Variants in THAP2 observed in about 807,000 individuals in gnomAD.
THAP2 encodes the protein THAP domain-containing protein 2.
THAP2 carries 16 observed loss-of-function variants against 18.8 expected under a neutral mutation model. The observed-to-expected ratio is 0.85, with a 90% confidence interval of 0.58 to 1.29. The LOEUF is 1.29. Among genes scored for constraint, THAP2 ranks in the 50% most tolerant of loss-of-function variants. The pLI, the probability that THAP2 is intolerant of heterozygous loss-of-function variation, is 0.00. For missense variants in THAP2, 251 were observed against 265.3 expected (o/e 0.95, Z 0.38); for synonymous variants, 80 against 89.2 (o/e 0.90, Z 0.58).
At chr12:71,675,317 G>A (rs1376506749) in intron 2 of THAP2, among the ~76,000 whole-genome samples, 1 of 152,026 alleles carries the variant, frequency 6.6e-6, no homozygotes, top group Non-Finnish European at 1.5e-5. Context: ...AGCTCCAGGA[G>A]GACAAGAACT....
At chr12:71,671,378 T>C (rs1881433970) in intron 1 of THAP2, among the ~76,000 whole-genome samples, 1 of 152,228 alleles carries the variant, frequency 6.6e-6, no homozygotes, top group African/African-American at 2.4e-5. Context: ...CCTCATCATC[T>C]GGCAGTGTTC....
chr12:71,668,307 A>G (rs1414877161), intron 1 of THAP2, among the ~76,000 whole-genome samples: 3 of 152,196 alleles, frequency 2.0e-5, no homozygotes, highest in Non-Finnish European at 2.9e-5. Flanking sequence ...TTATGCTTTT[A>G]TAAGACTCAT....
chr12:71,676,634 C>T (rs565091846), intron 2 of THAP2, 55 bp from the exon 3 acceptor site: 2 of 1,516,576 alleles, frequency 1.3e-6, no homozygotes, highest in Admixed American at 2.2e-5. Context: ...ACACTATGTG[C>T]TTATTTGTGA....
intron 2 of THAP2, among the ~76,000 whole-genome samples, chr12:71,676,042 T>C (rs916881173): frequency 1.3e-5 from 2 of 151,974 alleles, no homozygotes; most frequent in Admixed American, 6.6e-5. Context: ...AGGAGAGGAT[T>C]CATGGTAGGA....
intron 1 of THAP2, among the ~76,000 whole-genome samples, chr12:71,666,382 G>A (rs867120709): frequency 6.6e-5 from 10 of 152,180 alleles, no homozygotes; most frequent in East Asian, 5.8e-4. Context: ...CCCTGGTGAC[G>A]CATGCCTGTA....
Position 71,674,246 on chromosome 12 carries a change from G to C in THAP2, c.115G>C (p.Val39Leu). Residue 39 changes from valine to leucine, a missense_variant, in exon 2 of 3, where the codon GTT becomes CTT. Physicochemically the swap from Val to Leu is conservative, Grantham distance 32 (BLOSUM62 1). Transcript: ENST00000308086. ...PKRRKEWVRL[V>L]RRKNFVPGKH... The stretch of plus-strand genomic sequence containing the variant: ...AAGAAGAAAAGAATGGGTTCGCCTG[G>C]TTAGGCGCAAAAATTTTGTGCCAGG... 1 of 1,611,762 alleles carries C rather than the reference G, an allele frequency of 6.2e-7. No homozygotes were observed. The highest frequency in any genetic ancestry group is 8.5e-7 in the Non-Finnish European group (1 of 1,178,754).
In THAP2 at chr12:71,676,709, T is replaced by C. The variant is rs1457772558; in HGVS notation, c.288T>C (p.Leu96=). 1 of 1,579,120 alleles carries C rather than the reference T, an allele frequency of 6.3e-7. No homozygotes were observed. The highest frequency in any genetic ancestry group is 1.2e-5 in the South Asian group (1 of 84,954). ...IKSMKLKSRN[L]LKKNNSCSPA... is the part of the protein sequence containing the mutation. The stretch of plus-strand genomic sequence containing the variant: ...CTCAGAAACTCAAGTCAAGGAATCT[T>C]TTGAAGAAAAACAACAGTTGTTCTC... The change falls in exon 3 of 3, where the codon CTT becomes CTC. Residue 96 remains leucine, a synonymous_variant. Transcript: ENST00000308086.
chr12:71,669,207 A>C (rs1408610833), intron 1 of THAP2, among the ~76,000 whole-genome samples: 1 of 152,220 alleles, frequency 6.6e-6, no homozygotes, highest in African/African-American at 2.4e-5. Context: ...CTTACAGTCC[A>C]GTGGGAAAGA....
rs781167669 is a variant in THAP2, at chr12:71,676,684, C to T, written c.268-5C>T. 3 of 1,570,746 alleles carry T rather than the reference C, an allele frequency of 1.9e-6. No individual in the cohort carries two copies. Among genetic ancestry groups the T allele is most frequent in the East Asian group, 4.5e-5 (2 of 44,446 alleles). On this transcript the variant is annotated splice_polypyrimidine_tract_variant and splice_region_variant and intron_variant, in intron 2 of 2. Coordinates refer to ENST00000308086, the MANE Select transcript of THAP2 (RefSeq NM_031435.4). ...TGTTCAACCCTCTAATTTTATTCGG[C>T]TCAGAAACTCAAGTCAAGGAATCTT...
intron 1 of THAP2, among the ~76,000 whole-genome samples, chr12:71,667,227 T>A (rs1881358969): frequency 6.6e-6 from 1 of 152,216 alleles, no homozygotes; most frequent in African/African-American, 2.4e-5. Context: ...AAATACTCTC[T>A]ATGACACTAA....
At chr12:71,669,068 G>A (rs746910723) in intron 1 of THAP2, among the ~76,000 whole-genome samples, 5 of 152,166 alleles carry the variant, frequency 3.3e-5, no homozygotes, top group Non-Finnish European at 7.3e-5. Flanking sequence ...GTAGTGCTGA[G>A]TTAACCCCAT....
intron 1 of THAP2, among the ~76,000 whole-genome samples, chr12:71,672,956 A>G (rs186535375): frequency 1.3e-5 from 2 of 152,302 alleles, no homozygotes; most frequent in East Asian, 1.9e-4. Flanking sequence ...TTAGCATCAC[A>G]TGGCACTTTA....
At chr12:71,673,309 T>G (rs1025761105) in intron 1 of THAP2, among the ~76,000 whole-genome samples, 1 of 152,144 alleles carries the variant, frequency 6.6e-6, no homozygotes, top group African/African-American at 2.4e-5. Flanking sequence ...GTTTCCAGGC[T>G]ACATGGTTTG....
At chr12:71,672,162 T>C (rs1243211360) in intron 1 of THAP2, among the ~76,000 whole-genome samples, 1 of 152,166 alleles carries the variant, frequency 6.6e-6, no homozygotes, top group African/African-American at 2.4e-5. Flanking sequence ...CTAATACATA[T>C]CCTTTGTGGC....
chr12:71,674,445 T>C, intron 2 of THAP2, 47 bp downstream of exon 2: 1 of 1,510,528 alleles, frequency 6.6e-7, no homozygotes, highest in Non-Finnish European at 8.9e-7. Flanking sequence ...TTAGAACTCA[T>C]TCCTTTTTGT....
Position 71,678,062 on chromosome 12 carries a change from A to G in THAP2, c.*954A>G, listed in dbSNP as rs1352244727. The G allele has an allele frequency of 6.6e-6, 1 of 152,112 alleles. No individual in the cohort carries two copies. The highest frequency in any genetic ancestry group is 1.5e-5 in the Non-Finnish European group (1 of 68,026). The allele number at this position is 152,112 out of a possible 1,614,324, so 9.4% of individuals were successfully genotyped here. On this transcript the variant is annotated 3_prime_UTR_variant, in exon 3 of 3. Coordinates refer to ENST00000308086, the MANE Select transcript of THAP2 (RefSeq NM_031435.4). ...AAAATTTAATCACAGGAAACTACTTATATCTTCACACTTTGTATTGATAAC... is the reference window on the plus strand; with the variant it reads ...AAAATTTAATCACAGGAAACTACTTGTATCTTCACACTTTGTATTGATAAC...
chr12:71,669,404 AAG>A lies in THAP2; in HGVS notation c.72-4793_72-4792del, dbSNP rs1448045272. 6.6e-5 allele frequency among the ~76,000 whole-genome samples: 10 copies of A among 152,356 alleles called. No homozygotes were observed. The South Asian group carries it at 2.1e-3, about 32-fold the overall frequency. ...GAGCTAGTTTTAAAAAGAGCTTTAA[AAG>A]AGAGAATTAAGGACCTGAAAAATAG... On this transcript the variant is annotated intron_variant, in intron 1 of 2. Transcript: ENST00000308086.
At chr12:71,672,987 A>G (rs1592612412) in intron 1 of THAP2, among the ~76,000 whole-genome samples, 1 of 152,172 alleles carries the variant, frequency 6.6e-6, no homozygotes, top group Non-Finnish European at 1.5e-5. Flanking sequence ...CACAGCAGTT[A>G]TTGAGCTCAC....
intron 1 of THAP2, among the ~76,000 whole-genome samples, chr12:71,669,173 AAC>A (rs537750209): frequency 2.0e-5 from 3 of 152,342 alleles, no homozygotes; most frequent in African/African-American, 7.2e-5. Flanking sequence ...AGCAGTGAAA[AAC>A]ACAGCTCCTA....
Sources: gnomAD v4.1 joint callset for allele counts (sites outside exome capture counted in the v4.1 genomes callset) on GRCh38, gnomAD v4.1.1 for gene constraint, MANE v1.5 for transcripts, NCBI Gene and HGNC (gene_info 2026-07-23, HGNC 2026-07-21) for gene names.